The following TMEM117 variants were observed in gnomAD, a reference collection of about 807,000 sequenced individuals.
TMEM117 encodes transmembrane protein 117.
Under a neutral mutation model 52.4 loss-of-function variants are expected in TMEM117, and 27 were observed. The ratio of observed to expected loss-of-function variants is 0.51; its 90% CI spans 0.38 to 0.71. The LOEUF is 0.71. Ranked by LOEUF, TMEM117 falls within the 30% of genes least tolerant of loss-of-function variation. TMEM117 has a pLI of 0.00. For missense variants in TMEM117, 556 were observed against 630.5 expected, an observed-to-expected ratio of 0.88 and a Z score of 1.26; for synonymous variants, 215 against 206.3, an observed-to-expected ratio of 1.04 and a Z score of -0.36.
intron 6 of TMEM117, among the ~76,000 whole-genome samples, chr12:44,357,826 T>C (rs1951671684): frequency 6.6e-6 from 1 of 152,110 alleles, no homozygotes; most frequent in African/African-American, 2.4e-5. Context: ...TGGGTGTGTA[T>C]ATTCAAAATA....
chr12:44,096,987 G>A (rs1438202054), intron 3 of TMEM117, among the ~76,000 whole-genome samples: 3 of 151,928 alleles, frequency 2.0e-5, no homozygotes, highest in African/African-American at 4.8e-5. Context: ...CTAATATCCA[G>A]AATCTACAAT....
chr12:43,889,344 A>G (rs1156299704), intron 2 of TMEM117, among the ~76,000 whole-genome samples: 1 of 152,168 alleles, frequency 6.6e-6, no homozygotes, highest in Non-Finnish European at 1.5e-5. Flanking sequence ...TGGCCTCCCA[A>G]AGTGCTGGGA....
chr12:44,028,537 C>T (rs1045543029), intron 3 of TMEM117, among the ~76,000 whole-genome samples: 5 of 152,160 alleles, frequency 3.3e-5, no homozygotes, highest in African/African-American at 1.2e-4. Context: ...CCCACCAAAA[C>T]CAAGATGGCC....
At chr12:43,882,611 T>C (rs1943917895) in intron 2 of TMEM117, among the ~76,000 whole-genome samples, 1 of 152,206 alleles carries the variant, frequency 6.6e-6, no homozygotes, top group African/African-American at 2.4e-5. Flanking sequence ...AAAATTTCAT[T>C]AGAAGTACCT....
chr12:44,084,042 G>A (rs948371206), intron 3 of TMEM117, among the ~76,000 whole-genome samples: 6 of 152,056 alleles, frequency 3.9e-5, no homozygotes, highest in Non-Finnish European at 5.9e-5. Flanking sequence ...TTTATTTATT[G>A]AAATGGTCTC....
At chr12:43,805,968 C>T in the TMEM117 span, 1 of 1,547,708 alleles carries the variant, frequency 6.5e-7, no homozygotes, top group Admixed American at 1.8e-5. Context: ...GCCTCGAAAG[C>T]CAATTTCCTT....
chr12:44,079,380 TTCTGAC>T (rs1947441141), intron 3 of TMEM117, among the ~76,000 whole-genome samples: 1 of 152,168 alleles, frequency 6.6e-6, no homozygotes, highest in Non-Finnish European at 1.5e-5. Context: ...ATCTGTTGTT[TTCTGAC>T]TTTTTAATGA....
At chr12:43,840,343 G>A (rs1212621464) in intron 1 of TMEM117, among the ~76,000 whole-genome samples, 1 of 152,204 alleles carries the variant, frequency 6.6e-6, no homozygotes, top group East Asian at 1.9e-4. Context: ...TGCTTGTAAA[G>A]CTCATCAGCA....
At chr12:44,386,208 C>T (rs953838962) in intron 7 of TMEM117, among the ~76,000 whole-genome samples, 1 of 152,086 alleles carries the variant, frequency 6.6e-6, no homozygotes, top group African/African-American at 2.4e-5. Context: ...ATGATGAAAT[C>T]CTTTCTGAAA....
intron 3 of TMEM117, among the ~76,000 whole-genome samples, chr12:43,990,766 C>T (rs1465906713): frequency 6.6e-6 from 1 of 152,030 alleles, no homozygotes; most frequent in African/African-American, 2.4e-5. Flanking sequence ...CTGAGAGAGG[C>T]ATAAGAGACC....
At chr12:44,121,606 A>G (rs951890453) in intron 3 of TMEM117, among the ~76,000 whole-genome samples, 1 of 152,208 alleles carries the variant, frequency 6.6e-6, no homozygotes, top group African/African-American at 2.4e-5. Flanking sequence ...TTAATTACAT[A>G]TTAATTATTT....
At chr12:44,032,026 C>T (rs1231524069) in intron 3 of TMEM117, among the ~76,000 whole-genome samples, 1 of 152,086 alleles carries the variant, frequency 6.6e-6, no homozygotes, top group Non-Finnish European at 1.5e-5. Context: ...CTAACAAGTC[C>T]AGGAGCCCAA....
downstream of TMEM117, among the ~76,000 whole-genome samples, chr12:44,391,847 TA>T (rs2138883673): frequency 6.6e-6 from 1 of 152,200 alleles, no homozygotes; most frequent in East Asian, 1.9e-4. Flanking sequence ...CAGCTACAAG[TA>T]GGGTATTATG....
intron 2 of TMEM117, among the ~76,000 whole-genome samples, chr12:43,879,921 G>GA (rs1013505810): frequency 3.4e-4 from 52 of 152,154 alleles, no homozygotes; most frequent in Non-Finnish European, 6.0e-4. Flanking sequence ...CAGCTGGCTA[G>GA]AAAAAAATTA....
intron 6 of TMEM117, among the ~76,000 whole-genome samples, chr12:44,368,117 AGCTTCTCAGG>A (rs1951815148): frequency 6.6e-6 from 1 of 152,030 alleles, no homozygotes; most frequent in African/African-American, 2.4e-5. Context: ...CCTCCTCCAG[AGCTTCTCAGG>A]GCTTCCTCTT....
At chr12:44,072,554 G>C (rs1437452001) in intron 3 of TMEM117, among the ~76,000 whole-genome samples, 3 of 152,190 alleles carry the variant, frequency 2.0e-5, no homozygotes, top group African/African-American at 7.2e-5. Flanking sequence ...GGAAGTCATA[G>C]GACCCTATAT....
intron 4 of TMEM117, among the ~76,000 whole-genome samples, chr12:44,207,548 T>C (rs533939399): frequency 2.0e-5 from 3 of 152,294 alleles, no homozygotes; most frequent in East Asian, 3.9e-4. Flanking sequence ...CATTAAATTA[T>C]GTCTTTATCA....
chr12:43,906,701 G>A (rs999508004), intron 2 of TMEM117, among the ~76,000 whole-genome samples: 1 of 152,234 alleles, frequency 6.6e-6, no homozygotes, highest in Non-Finnish European at 1.5e-5. Context: ...AGGGGTCAGG[G>A]AGTTCCCTTT....
chr12:43,913,731 A>C (rs1396070273), intron 2 of TMEM117, among the ~76,000 whole-genome samples: 1 of 152,204 alleles, frequency 6.6e-6, no homozygotes. Flanking sequence ...GATTTATGCA[A>C]GGCACAGAAT....
Sources: allele counts gnomAD v4.1 joint callset (sites outside exome capture counted in the v4.1 genomes callset), GRCh38; gene constraint gnomAD v4.1.1; transcripts MANE v1.5; gene names NCBI Gene and HGNC (gene_info 2026-07-23, HGNC 2026-07-21).